The following RBFOX1 variants were observed in gnomAD, a reference collection of about 807,000 sequenced individuals.
RBFOX1 encodes the protein RNA binding protein fox-1 homolog 1.
A neutral mutation model predicts 57.7 loss-of-function variants in RBFOX1; 8 were observed. That is an observed-to-expected ratio of 0.14 (90% CI 0.08 to 0.25). RBFOX1 has a LOEUF of 0.25. Among genes scored for constraint, RBFOX1 ranks in the 10% least tolerant of loss-of-function variants. The pLI, the probability that RBFOX1 is intolerant of heterozygous loss-of-function variation, is 1.00. For missense variants in RBFOX1, 611 were observed against 548.5 expected (o/e 1.11, Z -1.14); for synonymous variants, 326 against 222.4 (o/e 1.47, Z -4.15).
intron 4 of RBFOX1, among the ~76,000 whole-genome samples, chr16:7,108,580 G>A (rs1030615935): frequency 5.9e-5 from 9 of 152,112 alleles, no homozygotes; most frequent in South Asian, 2.1e-4. Context: ...TTGTGTTTGC[G>A]TATGGTTCAG....
chr16:6,957,114 A>ATTTTTTTTTATTTATT (rs376343559), intron 3 of RBFOX1, among the ~76,000 whole-genome samples: 1 of 79,724 alleles, frequency 1.3e-5, no homozygotes, highest in Non-Finnish European at 2.6e-5. Flanking sequence ...TTTTATTTTT[A>ATTTTTTTTTATTTATT]TTTTTATTTA....
intron 1 of RBFOX1, among the ~76,000 whole-genome samples, chr16:6,049,955 C>CTT (rs1567333986): frequency 2.4e-5 from 3 of 125,134 alleles, no homozygotes; most frequent in African/African-American, 5.7e-5. Context: ...AAGCTTAAAA[C>CTT]GTTTTTTTTT....
intron 1 of RBFOX1, among the ~76,000 whole-genome samples, chr16:6,023,904 C>G (rs116553011): frequency 1.3e-5 from 2 of 152,180 alleles, no homozygotes; most frequent in African/African-American, 2.4e-5. Context: ...AATATTAAAA[C>G]TTTAATTAAA....
At chr16:6,789,825 G>A (rs1387365256) in intron 3 of RBFOX1, among the ~76,000 whole-genome samples, 2 of 151,816 alleles carry the variant, frequency 1.3e-5, no homozygotes, top group Non-Finnish European at 2.9e-5. Flanking sequence ...CTGTCTTTGT[G>A]CTTTCTCCCA....
intron 4 of RBFOX1, among the ~76,000 whole-genome samples, chr16:5,923,733 G>T (rs1011201149): frequency 1.3e-4 from 19 of 151,816 alleles, no homozygotes; most frequent in Admixed American, 2.0e-4. Context: ...TGGAGATGGG[G>T]TTTCACCATG....
intron 1 of RBFOX1, among the ~76,000 whole-genome samples, chr16:6,219,682 C>G (rs537716238): frequency 3.9e-5 from 6 of 152,084 alleles, no homozygotes; most frequent in African/African-American, 1.4e-4. Flanking sequence ...CAAGACCAGC[C>G]TGACCAACAT....
At chr16:5,314,015 C>T (rs994376730) in intron 1 of RBFOX1, among the ~76,000 whole-genome samples, 6 of 152,132 alleles carry the variant, frequency 3.9e-5, no homozygotes, top group Non-Finnish European at 8.8e-5. Context: ...CAAAGAACAA[C>T]ACGTAATAAT....
chr16:6,565,699 A>ACCTCGTGATCCGC (rs2097255341), intron 2 of RBFOX1, among the ~76,000 whole-genome samples: 1 of 152,000 alleles, frequency 6.6e-6, no homozygotes, highest in African/African-American at 2.4e-5. Context: ...CGATCTCCTG[A>ACCTCGTGATCCGC]CCTCGTGATC....
intron 4 of RBFOX1, among the ~76,000 whole-genome samples, chr16:5,884,484 G>A (rs533853928): frequency 0.02 from 226 of 11,206 alleles, no homozygotes; most frequent in African/African-American, 0.039. Flanking sequence ...CCCCGCCCCC[G>A]GCTAGGGTAC....
intron 4 of RBFOX1, among the ~76,000 whole-genome samples, chr16:5,922,019 G>T (rs985260180): frequency 1.3e-4 from 20 of 152,058 alleles, no homozygotes; most frequent in Admixed American, 7.9e-4. Flanking sequence ...AAATTCGCCG[G>T]GCATGGTGAT....
chr16:7,333,166 A>G, intron 4 of RBFOX1: 1 of 1,375,474 alleles, frequency 7.3e-7, no homozygotes, highest in Non-Finnish European at 1.0e-6. Context: ...ATGGTTGAGA[A>G]AGCAAACACT....
chr16:7,676,737 G>A (rs376493800), intron 13 of RBFOX1, 37 bp from the exon 14 acceptor site: 51 of 1,580,350 alleles, frequency 3.2e-5, no homozygotes, highest in Middle Eastern at 4.1e-4. Context: ...ATTGGGCTCC[G>A]CTACATTCCT....
chr16:5,253,865 C>G lies in RBFOX1; in HGVS notation c.219+13760C>G, dbSNP rs552326601. ...GATTTTCCCTCTCCCTGCCTCTTCA[C>G]CTGGTCATGGTCTCATCTGACAGTG... On this transcript the variant is annotated intron_variant, in intron 1 of 2. Transcript: ENST00000585867. Among the ~76,000 whole-genome samples the G allele has an allele frequency of 7.9e-5, 12 of 152,356 alleles. 1 individual carries two copies. The South Asian group carries it at 2.5e-3, about 32-fold the overall frequency.
intron 1 of RBFOX1, among the ~76,000 whole-genome samples, chr16:6,042,276 T>G (rs756376868): frequency 1.3e-5 from 2 of 152,112 alleles, no homozygotes; most frequent in Non-Finnish European, 2.9e-5. Flanking sequence ...AATTTTTGTA[T>G]TTTTAGTAGA....
intron 4 of RBFOX1, among the ~76,000 whole-genome samples, chr16:7,203,793 C>T (rs930389896): frequency 9.2e-5 from 14 of 152,206 alleles, no homozygotes; most frequent in East Asian, 3.9e-4. Flanking sequence ...CAAGCAAAGG[C>T]AATCTTGTGC....
chr16:6,847,788 A>C (rs1445409884), intron 3 of RBFOX1, among the ~76,000 whole-genome samples: 1 of 152,040 alleles, frequency 6.6e-6, no homozygotes, highest in African/African-American at 2.4e-5. Context: ...AAATTAAATA[A>C]AATCTGGTAA....
rs772794804 is a variant in RBFOX1, at chr16:6,097,074, G to T, written c.-127+77082G>T. ...TGGGGGTGGTTTCCCCCATACTGTT[G>T]TCATGGTGGTGAGTAAGTCTTACTA... On this transcript the variant is annotated intron_variant, in intron 1 of 15. Transcript: ENST00000550418. This position sits in a 1 kb window ranked among gnomAD's most constrained non-coding sequence, Gnocchi z 5.0. 6.6e-6 allele frequency among the ~76,000 whole-genome samples: 1 copy of T among 152,108 alleles called. No homozygotes were observed. The highest frequency in any genetic ancestry group is 1.5e-5 in the Non-Finnish European group (1 of 68,026).
chr16:7,009,550 C>G (rs2093547531), intron 3 of RBFOX1, among the ~76,000 whole-genome samples: 1 of 152,016 alleles, frequency 6.6e-6, no homozygotes, highest in African/African-American at 2.4e-5. Flanking sequence ...ATGATGCGAT[C>G]AATGATAGGA....
intron 4 of RBFOX1, among the ~76,000 whole-genome samples, chr16:7,347,989 T>A (rs558464274): frequency 1.6e-4 from 25 of 152,212 alleles, no homozygotes; most frequent in Admixed American, 7.9e-4. Context: ...AGGCCCACCT[T>A]GGTGCCAGTC....
Sources: allele counts gnomAD v4.1 joint callset (sites outside exome capture counted in the v4.1 genomes callset), GRCh38; gene constraint gnomAD v4.1.1; non-coding constraint Gnocchi (gnomAD v3.1); transcripts MANE v1.5; gene names NCBI Gene and HGNC (gene_info 2026-07-23, HGNC 2026-07-21).